The following LAIR1 variants were observed in gnomAD, a reference collection of about 807,000 sequenced individuals.
The protein encoded by LAIR1 is leukocyte-associated immunoglobulin-like receptor 1.
A neutral mutation model predicts 32.8 loss-of-function variants in LAIR1; 24 were observed. The ratio of observed to expected loss-of-function variants is 0.73; its 90% CI spans 0.53 to 1.03. The LOEUF is 1.03. Ranked by LOEUF, LAIR1 falls within the 50% of genes least tolerant of loss-of-function variation. The pLI, the probability that LAIR1 is intolerant of heterozygous loss-of-function variation, is 0.00. For missense variants in LAIR1, 355 were observed against 347.5 expected, an observed-to-expected ratio of 1.02 and a Z score of -0.17; for synonymous variants, 150 against 140.5, an observed-to-expected ratio of 1.07 and a Z score of -0.48.
chr19:54,358,961 G>C (rs560889922), intron 4 of LAIR1, among the ~76,000 whole-genome samples: 117 of 151,582 alleles, frequency 7.7e-4, no homozygotes, highest in African/African-American at 2.8e-3. Context: ...AAGAAGAGAG[G>C]GAGAGAAACA....
Position 54,360,785 on chromosome 19 carries a change from G to T in LAIR1, c.364+131C>A, listed in dbSNP as rs560028913. ...AGGTGTGTGCAGAGGAAGAAGGGGA[G>T]GGGAGGGCTTGGGGTCAGGAGGAGG... On this transcript the variant is annotated intron_variant, in intron 3 of 9. Coordinates refer to ENST00000391742, the MANE Select transcript of LAIR1 (RefSeq NM_002287.6). 64 of 648,708 alleles carry T rather than the reference G, an allele frequency of 9.9e-5. No homozygotes were observed. In the African/African-American group the frequency reaches 2.6e-3, roughly 26 times the overall value. 40.2% of individuals were successfully genotyped at this position (648,708 alleles called of 1,614,324 possible).
At position 54,356,346 on chromosome 19, in the gene LAIR1, G is replaced by C; in HGVS notation, c.626+10C>G. On this transcript the variant is annotated intron_variant, in intron 7 of 9. Transcript: ENST00000391742. ...GGTGGAGGTCCAGGAGTCATTCCCA[G>C]GGGCCTCACCTCTGCTGTGGCTTCT... 1.3e-6 allele frequency: 2 copies of C among 1,596,908 alleles called. No individual in the cohort carries two copies. The highest frequency in any genetic ancestry group is 1.7e-6 in the Non-Finnish European group (2 of 1,172,084).
chr19:54,365,916 G>A (rs1335381549), upstream of LAIR1, among the ~76,000 whole-genome samples: 5 of 152,176 alleles, frequency 3.3e-5, no homozygotes, highest in East Asian at 9.6e-4. Flanking sequence ...AAAATGTGGT[G>A]CACACACAGG....
chr19:54,362,660 T>C (rs2082081745), intron 2 of LAIR1, among the ~76,000 whole-genome samples: 1 of 152,234 alleles, frequency 6.6e-6, no homozygotes, highest in South Asian at 2.1e-4. Flanking sequence ...AATTTTTGTA[T>C]TTTTAGTAGA....
chr19:54,364,805 G>A lies in LAIR1; in HGVS notation c.-1C>T, dbSNP rs368669316. 1.1e-5 allele frequency: 17 copies of A among 1,613,986 alleles called. No individual in the cohort carries two copies. Among genetic ancestry groups the A allele is most frequent in the Non-Finnish European group, 1.3e-5 (15 of 1,179,980 alleles). ...GGAGGGCGGTGGGGTGGGGAGACAT[G>A]GCCCAGGTCCCAGCAGTGCAGCCTG... is the stretch of plus-strand genomic sequence containing the variant. On this transcript the variant is annotated 5_prime_UTR_variant, in exon 1 of 10. Coordinates refer to ENST00000391742, the MANE Select transcript of LAIR1 (RefSeq NM_002287.6). This position sits in a 1 kb window ranked among gnomAD's most constrained non-coding sequence, Gnocchi z 4.8.
chr19:54,373,257 A>G (rs1022984952), upstream of LAIR1, among the ~76,000 whole-genome samples: 2 of 150,778 alleles, frequency 1.3e-5, no homozygotes, highest in Non-Finnish European at 2.9e-5. Flanking sequence ...CCTGGCCAAC[A>G]CGGTGAAACC....
intron 3 of LAIR1, among the ~76,000 whole-genome samples, chr19:54,360,542 C>T (rs1422096361): frequency 1.3e-5 from 2 of 152,186 alleles, no homozygotes; most frequent in Non-Finnish European, 2.9e-5. Context: ...GGTTCTGGCT[C>T]AGTGGAAAGG....
intron 2 of LAIR1, among the ~76,000 whole-genome samples, chr19:54,362,546 G>A (rs62132210): frequency 0.016 from 2,474 of 152,270 alleles, 36 homozygotes; most frequent in Middle Eastern, 0.048. Flanking sequence ...GTGCAGTGGC[G>A]CGATCTCAGC....
intron 4 of LAIR1, among the ~76,000 whole-genome samples, chr19:54,358,921 A>C (rs1295926646): frequency 6.6e-6 from 1 of 151,972 alleles, no homozygotes; most frequent in Admixed American, 6.6e-5. Flanking sequence ...ATGTCACTGC[A>C]TGAAGGTGAG....
At position 54,364,902 on chromosome 19, in the gene LAIR1, C is replaced by G; in HGVS notation, c.-98G>C. Reference sequence around the variant, plus strand: ...GCAGACAGGATGTGCTGCCCGGGGGCCTCCTGCCTATGGGGCTTCCACAGC... The same window carrying G: ...GCAGACAGGATGTGCTGCCCGGGGGGCTCCTGCCTATGGGGCTTCCACAGC... On this transcript the variant is annotated 5_prime_UTR_variant, in exon 1 of 10. Coordinates refer to ENST00000391742, the MANE Select transcript of LAIR1 (RefSeq NM_002287.6). This position sits in a 1 kb window ranked among gnomAD's most constrained non-coding sequence, Gnocchi z 4.8. The G allele has an allele frequency of 1.2e-6, 2 of 1,607,582 alleles. No individual in the cohort carries two copies. The highest frequency in any genetic ancestry group is 1.7e-6 in the Non-Finnish European group (2 of 1,176,862).
chr19:54,361,190 G>A lies in LAIR1; in HGVS notation c.90C>T (p.Ser30=). The A allele has an allele frequency of 1.2e-6, 2 of 1,614,196 alleles. No homozygotes were observed. The highest frequency in any genetic ancestry group is 1.7e-6 in the Non-Finnish European group (2 of 1,180,034). ...TCACGGTGCCTGGCTCAGCCGAGAT[G>A]GAGGGTCTGGGCAGATCTTCTAGGA... The part of the protein sequence containing the change: ...HTQEEDLPRP[S]ISAEPGTVIP... The change falls in exon 3 of 10, where the codon TCC becomes TCT. Residue 30 remains serine, a synonymous_variant. Coordinates refer to ENST00000391742, the MANE Select transcript of LAIR1 (RefSeq NM_002287.6).
upstream of LAIR1, among the ~76,000 whole-genome samples, chr19:54,373,306 T>A (rs369425057): frequency 1.3e-5 from 2 of 151,082 alleles, no homozygotes; most frequent in Admixed American, 6.6e-5. Context: ...TAGCTGGGCG[T>A]GGTGGCGGGC....
chr19:54,363,012 G>C (rs1475323801), intron 2 of LAIR1, among the ~76,000 whole-genome samples: 1 of 145,942 alleles, frequency 6.9e-6, no homozygotes, highest in Non-Finnish European at 1.5e-5. Flanking sequence ...ACAGGGGAAG[G>C]GCTCTGAGAA....
At chr19:54,356,673 G>C in intron 5 of LAIR1, 54 bp from the exon 6 acceptor site, 1 of 1,548,534 alleles carries the variant, frequency 6.5e-7, no homozygotes, top group Non-Finnish European at 8.9e-7. Flanking sequence ...AGCACCTACT[G>C]TATACCACAC....
chr19:54,369,158 C>T (rs2082343586), upstream of LAIR1, among the ~76,000 whole-genome samples: 1 of 150,994 alleles, frequency 6.6e-6, no homozygotes, highest in Admixed American at 6.6e-5. Context: ...AACACTGGTA[C>T]AATAATTAAC....
chr19:54,375,659 C>T, the LAIR1 span, among the ~76,000 whole-genome samples: 1,048 of 152,168 alleles, frequency 6.9e-3, 11 homozygotes, highest in African/African-American at 0.023. Flanking sequence ...GCCCCATTCA[C>T]AATATACAAC....
upstream of LAIR1, chr19:54,368,343 T>C (rs2082319394): frequency 6.6e-6 from 1 of 152,222 alleles, no homozygotes; most frequent in South Asian, 2.1e-4. Context: ...AATACTACAT[T>C]TGTTTTGAAA....
At chr19:54,368,222 T>C (rs2122633612), upstream of LAIR1, 1 of 152,256 alleles carries the variant, frequency 6.6e-6, no homozygotes, top group East Asian at 1.9e-4. Flanking sequence ...ATTTTCATGG[T>C]TTTGTAAATC....
rs1029445343 is a variant in LAIR1, at chr19:54,356,392, G to A, written c.590C>T (p.Pro197Leu). Residue 197 changes from proline (P) to leucine (L), a missense_variant, in exon 7 of 10, where the codon CCC becomes CTC. Pro to Leu is a moderately conservative substitution (Grantham distance 98, BLOSUM62 -3). Coordinates refer to ENST00000391742, the MANE Select transcript of LAIR1 (RefSeq NM_002287.6). ...CTTCTGCTCCTCGTCCTTGCTTCTG[G>A]GGGGCCCTAAGGACAGTCGGGGTGT... The part of the protein sequence containing the change: ...HRQNQIKQGP[P>L]RSKDEEQKPQ... 6 of 1,593,040 alleles carry A rather than the reference G, an allele frequency of 3.8e-6. No homozygotes were observed. The highest frequency in any genetic ancestry group is 5.1e-6 in the Non-Finnish European group (6 of 1,169,964).
Sources: allele counts gnomAD v4.1 joint callset (sites outside exome capture counted in the v4.1 genomes callset), GRCh38; gene constraint gnomAD v4.1.1; non-coding constraint Gnocchi (gnomAD v3.1); transcripts MANE v1.5; gene names NCBI Gene and HGNC (gene_info 2026-07-23, HGNC 2026-07-21).